PNPLA6: variants seen among roughly 807,000 people sequenced by gnomAD.
The protein encoded by PNPLA6 is patatin like domain 6, lysophospholipase.
Under a neutral mutation model 153.7 loss-of-function variants are expected in PNPLA6, and 105 were observed. That is an observed-to-expected ratio of 0.68 (90% confidence interval 0.58 to 0.80). The LOEUF is 0.80. PNPLA6 is among the 30% of genes least tolerant of loss of function. The pLI is 0.00. For missense variants in PNPLA6, 1,423 were observed against 1,919.3 expected (o/e 0.74, Z 4.83); for synonymous variants, 825 against 822.2 (o/e 1.00, Z -0.06).
chr19:7,545,930 A>AG (rs1477472363), intron 13 of PNPLA6, among the ~76,000 whole-genome samples: 1 of 150,288 alleles, frequency 6.7e-6, no homozygotes, highest in Non-Finnish European at 1.5e-5. Flanking sequence ...AAAAAAAAAA[A>AG]GTGGGCAGGG....
intron 1 of PNPLA6, 37 bp downstream of exon 1, chr19:7,536,057 G>A: frequency 6.3e-7 from 1 of 1,579,628 alleles, no homozygotes; most frequent in East Asian, 2.3e-5. Context: ...GAGGCTGTAT[G>A]GTGGGGGGCC....
chr19:7,536,401 C>G (rs761420131), intron 2 of PNPLA6, 48 bp from the exon 3 acceptor site: 2 of 1,476,200 alleles, frequency 1.4e-6, no homozygotes, highest in African/African-American at 2.8e-5. Context: ...TGCCTCTTCT[C>G]CAAGGTCTGA....
intron 28 of PNPLA6, among the ~76,000 whole-genome samples, chr19:7,559,519 A>G (rs2146118165): frequency 6.6e-6 from 1 of 152,256 alleles, no homozygotes; most frequent in Non-Finnish European, 1.5e-5. Context: ...GACCCTGAAA[A>G]ATGTGCCATA....
Position 7,549,916 on chromosome 19 carries a change from C to CTGCA in PNPLA6, c.1619_1622dup (p.Phe542AlafsTer65). ...TCCCCTGCCCGCACAGGACGTGAGC[C>CTGCA]TGCACTTCGTGCTCTGGGGCTGCCT... On this transcript the variant is annotated frameshift_variant, in exon 14 of 32. Coordinates refer to ENST00000600737, the MANE Select transcript of PNPLA6 (RefSeq NM_001166114.2). LOFTEE classifies it high-confidence loss of function. 6.2e-7 allele frequency: 1 copy of CTGCA among 1,613,624 alleles called. No individual in the cohort carries two copies. The highest frequency in any genetic ancestry group is 8.5e-7 in the Non-Finnish European group (1 of 1,180,046).
chr19:7,543,061 A>T lies in PNPLA6; in HGVS notation c.1585A>T (p.Ile529Phe), dbSNP rs756934322. The T allele has an allele frequency of 6.2e-7, 1 of 1,613,856 alleles. No individual in the cohort carries two copies. Among genetic ancestry groups the T allele is most frequent in the Admixed American group, 1.7e-5 (1 of 60,008 alleles). ...VLLHHAKAGT[I>F]IARQGDQDVS... ...GCTGCACCACGCCAAAGCTGGCACC[A>T]TCATTGCCCGCCAGGGAGACCAGGT... The change falls in exon 13 of 32, where the codon ATC becomes TTC. Residue 529 changes from isoleucine (I) to phenylalanine (F), a missense_variant. Transcript: ENST00000600737.
Position 7,542,403 on chromosome 19 carries a change from T to C in PNPLA6, c.1253-158T>C, listed in dbSNP as rs115263133. 4.0e-3 allele frequency: 2,736 copies of C among 690,992 alleles called. 40 individuals are homozygous for C. In the African/African-American group the frequency reaches 0.041, roughly 10 times the overall value. 42.8% of individuals were successfully genotyped at this position (690,992 alleles called of 1,614,324 possible). On this transcript the variant is annotated intron_variant, in intron 10 of 31. Coordinates refer to ENST00000600737, the MANE Select transcript of PNPLA6 (RefSeq NM_001166114.2). ...AGGCTAGAGTGCAGTGGTGCTGTCA[T>C]AGCTCACTGCAGCCTCGAACTCCTA...
chr19:7,536,950 A>AAAAAAAAAAAAG (rs1555743945), intron 3 of PNPLA6, among the ~76,000 whole-genome samples: 2 of 127,060 alleles, frequency 1.6e-5, no homozygotes, highest in African/African-American at 5.9e-5. Context: ...AAAAAAAAAA[A>AAAAAAAAAAAAG]AAGAAGAAGA....
intron 13 of PNPLA6, among the ~76,000 whole-genome samples, chr19:7,543,954 C>T (rs2023272784): frequency 6.6e-6 from 1 of 151,488 alleles, no homozygotes; most frequent in Non-Finnish European, 1.5e-5. Context: ...GCTGGGACTA[C>T]AGGCGCCTGC....
intron 13 of PNPLA6, among the ~76,000 whole-genome samples, chr19:7,546,134 A>C (rs1300585039): frequency 1.3e-5 from 2 of 152,250 alleles, no homozygotes; most frequent in African/African-American, 2.4e-5. Context: ...GGGGAGGAAC[A>C]AACTGGGTGC....
chr19:7,535,482 G>A, upstream of PNPLA6: 10 of 1,509,634 alleles, frequency 6.6e-6, no homozygotes, highest in Non-Finnish European at 9.0e-6. This position sits in a 1 kb window ranked among gnomAD's most constrained non-coding sequence, Gnocchi z 5.0. Context: ...GACTTGCACG[G>A]GTTCCTTCGA....
chr19:7,544,556 C>G (rs1404468789), intron 13 of PNPLA6, among the ~76,000 whole-genome samples: 1 of 152,140 alleles, frequency 6.6e-6, no homozygotes, highest in African/African-American at 2.4e-5. Flanking sequence ...GCAAGAGTGA[C>G]AAGTGGTCAG....
upstream of PNPLA6, chr19:7,535,688 C>T (rs893053184): frequency 5.9e-6 from 9 of 1,527,272 alleles, no homozygotes; most frequent in Middle Eastern, 1.7e-4. The surrounding 1 kb of genome is among the most constrained non-coding windows in gnomAD (Gnocchi z 5.0). Context: ...GCGCTGCGTC[C>T]GCTCGGGCGG....
Position 7,554,967 on chromosome 19 carries a change from G to A in PNPLA6, c.2709G>A (p.Ala903=), listed in dbSNP as rs1198453694. The change falls in exon 22 of 32, where the codon GCG becomes GCA. Residue 903 remains alanine, a synonymous_variant. Coordinates refer to ENST00000600737, the MANE Select transcript of PNPLA6 (RefSeq NM_001166114.2). ...TCCTGCTCCACCGAGAGGAGGGCGC[G>A]GGCCCCACGCGCACCGTGGAGTGGC... ...QLVLLHREEG[A]GPTRTVEWLN... 1.9e-6 allele frequency: 3 copies of A among 1,590,444 alleles called. No individual in the cohort carries two copies. The highest frequency in any genetic ancestry group is 1.7e-5 in the Admixed American group (1 of 58,806).
At chr19:7,538,703 G>C (rs1440624445) in intron 3 of PNPLA6, among the ~76,000 whole-genome samples, 2 of 152,208 alleles carry the variant, frequency 1.3e-5, no homozygotes, top group Non-Finnish European at 2.9e-5. Context: ...GGCTGTCAGA[G>C]GGGCTGTCTC....
chr19:7,542,808 C>T lies in PNPLA6; in HGVS notation c.1410C>T (p.Tyr470=). ...PREQPAGACE[Y]SYCEDESATG... ...AGCAGCCGGCAGGCGCCTGTGAATA[C>T]AGCTACTGTGAGGATGAGTCGGCCA... Residue 470 remains tyrosine, a synonymous_variant, in exon 12 of 32, where the codon TAC becomes TAT. Coordinates refer to ENST00000600737, the MANE Select transcript of PNPLA6 (RefSeq NM_001166114.2). The T allele has an allele frequency of 1.2e-6, 2 of 1,613,096 alleles. No homozygotes were observed. The highest frequency in any genetic ancestry group is 1.7e-6 in the Non-Finnish European group (2 of 1,179,958).
At chr19:7,539,811 G>C (rs1267121382) in intron 3 of PNPLA6, 107 bp from the exon 4 acceptor site, 1 of 671,382 alleles carries the variant, frequency 1.5e-6, no homozygotes, top group African/African-American at 1.8e-5. Context: ...CAGCGGGCCA[G>C]AGTTTGCTGT....
chr19:7,535,978 G>A lies in PNPLA6; in HGVS notation c.190G>A (p.Ala64Thr), dbSNP rs1206804100. The change falls in exon 1 of 32, where the codon GCC (alanine) becomes ACC (threonine). Residue 64 changes from alanine (A) to threonine (T), a missense_variant. Coordinates refer to ENST00000600737, the MANE Select transcript of PNPLA6 (RefSeq NM_001166114.2). The surrounding 1 kb of genome is among the most constrained non-coding windows in gnomAD (Gnocchi z 5.0). ...IGAGVAVVVT[A>T]VLILLVVRRL... ...GGCCGGAGTGGCGGTGGTGGTCACG[G>A]CCGTGCTCATCCTCCTGGTGGTGCG... is the stretch of plus-strand genomic sequence containing the variant. 1 of 1,581,070 alleles carries A rather than the reference G, an allele frequency of 6.3e-7. No individual in the cohort carries two copies. The highest frequency in any genetic ancestry group is 1.3e-5 in the African/African-American group (1 of 74,812).
rs909622359 is a variant in PNPLA6, at chr19:7,536,465, C to T, written c.332C>T (p.Ser111Phe). The change falls in exon 3 of 32, where the codon TCC (serine) becomes TTC (phenylalanine). Residue 111 changes from serine to phenylalanine, a missense_variant. By Grantham distance (155) the Ser-to-Phe change is radical. Coordinates refer to ENST00000600737, the MANE Select transcript of PNPLA6 (RefSeq NM_001166114.2). ...TTCTCCCAGGTGTCACAATCCACCT[C>T]CTCCCTCGTGGATACCTCTGTCTCC... ...KIMRKVSQST[S>F]SLVDTSVSAT... 4 of 1,612,598 alleles carry T rather than the reference C, an allele frequency of 2.5e-6. No individual in the cohort carries two copies. Among genetic ancestry groups the T allele is most frequent in the South Asian group, 1.1e-5 (1 of 91,066 alleles).
chr19:7,544,942 C>T (rs1180480032), intron 13 of PNPLA6, among the ~76,000 whole-genome samples: 1 of 152,194 alleles, frequency 6.6e-6, no homozygotes, highest in Non-Finnish European at 1.5e-5. Flanking sequence ...GTCAGTGTAC[C>T]ACGCTGGTCT....
Sources: allele counts gnomAD v4.1 joint callset (sites outside exome capture counted in the v4.1 genomes callset), GRCh38; gene constraint gnomAD v4.1.1; non-coding constraint Gnocchi (gnomAD v3.1); transcripts MANE v1.5; gene names NCBI Gene and HGNC (gene_info 2026-07-23, HGNC 2026-07-21).